Variants in TASOR observed in about 807,000 individuals in gnomAD.
TASOR encodes protein TASOR.
Under a neutral mutation model 178.6 loss-of-function variants are expected in TASOR, and 53 were observed. That is an observed-to-expected ratio of 0.30 (90% CI 0.24 to 0.37). The LOEUF is 0.37. Ranked by LOEUF, TASOR falls within the 10% of genes least tolerant of loss-of-function variation. The pLI, the probability that TASOR is intolerant of heterozygous loss-of-function variation, is 1.00. For missense variants in TASOR, 1,815 were observed against 1,971.4 expected (o/e 0.92, Z 1.50); for synonymous variants, 713 against 696.2 (o/e 1.02, Z -0.38).
Position 56,673,728 on chromosome 3 carries a change from A to G in TASOR, c.332-3T>C. On this transcript the variant is annotated splice_polypyrimidine_tract_variant and splice_region_variant and intron_variant, in intron 1 of 23. Transcript: ENST00000683822. Reference sequence around the variant, plus strand: ...TGGAGTTAATGGCTGGAAAAGTGCTAAAATAAAAAAACAAACATTTAAAAT... The same window carrying G: ...TGGAGTTAATGGCTGGAAAAGTGCTGAAATAAAAAAACAAACATTTAAAAT... 1 of 1,538,478 alleles carries G rather than the reference A, an allele frequency of 6.5e-7. No homozygotes were observed. Among genetic ancestry groups the G allele is most frequent in the Non-Finnish European group, 8.7e-7 (1 of 1,143,064 alleles).
At chr3:56,679,030 A>G (rs1261415929) in intron 1 of TASOR, among the ~76,000 whole-genome samples, 1 of 151,396 alleles carries the variant, frequency 6.6e-6, no homozygotes, top group African/African-American at 2.4e-5. Flanking sequence ...AAAAAAAGAC[A>G]TACAAATGGG....
chr3:56,628,278 T>C (rs938968094), intron 19 of TASOR, among the ~76,000 whole-genome samples: 1 of 152,228 alleles, frequency 6.6e-6, no homozygotes, highest in Non-Finnish European at 1.5e-5. Context: ...CTTATTAGTC[T>C]TGACTACCTG....
At chr3:56,664,634 C>A (rs542014384) in intron 7 of TASOR, among the ~76,000 whole-genome samples, 12 of 152,278 alleles carry the variant, frequency 7.9e-5, no homozygotes, top group African/African-American at 2.4e-4. Flanking sequence ...TTTAGAACAG[C>A]AGTATTTCTA....
chr3:56,666,428 G>A (rs1230383606), intron 6 of TASOR, 44 bp from the exon 7 acceptor site: 1 of 1,382,972 alleles, frequency 7.2e-7, no homozygotes, highest in Non-Finnish European at 9.5e-7. Flanking sequence ...AAAAAGGCAA[G>A]GTGAAACCTT....
At chr3:56,671,762 T>C in intron 2 of TASOR, 70 bp from the exon 3 acceptor site, 1 of 1,253,330 alleles carries the variant, frequency 8.0e-7, no homozygotes, top group Non-Finnish European at 1.1e-6. Context: ...AGTTTTATTT[T>C]TTTTTCCAAG....
intron 18 of TASOR, among the ~76,000 whole-genome samples, chr3:56,630,251 C>T (rs993099310): frequency 6.6e-6 from 1 of 152,176 alleles, no homozygotes; most frequent in Non-Finnish European, 1.5e-5. Flanking sequence ...TGTCTTCTTA[C>T]ATTAAGAAGC....
At chr3:56,677,605 T>G (rs2031423107) in intron 1 of TASOR, among the ~76,000 whole-genome samples, 1 of 152,178 alleles carries the variant, frequency 6.6e-6, no homozygotes, top group Admixed American at 6.5e-5. Context: ...ATGATGTGTG[T>G]GTGCATATGG....
chr3:56,670,198 T>G, intron 3 of TASOR, 53 bp from the exon 4 acceptor site: 1 of 1,099,556 alleles, frequency 9.1e-7, no homozygotes, highest in Non-Finnish European at 1.3e-6. Context: ...ATTTAAAACA[T>G]GAAAAAATAA....
In TASOR at chr3:56,627,750, ATCCC is replaced by A. The variant is rs1434631415; in HGVS notation, c.3871-13_3871-10del. The A allele has an allele frequency of 3.7e-6, 6 of 1,609,454 alleles. No homozygotes were observed. In the Admixed American group the frequency reaches 5.1e-5, roughly 14 times the overall value. ...GTCACCAAGCCAGGTATCTGTTTAAATCCCAAAACAAAAAGAGAAACAGATGGAG... is the reference window on the plus strand; with the variant it reads ...GTCACCAAGCCAGGTATCTGTTTAAAAAAACAAAAAGAGAAACAGATGGAG... On this transcript the variant is annotated splice_polypyrimidine_tract_variant and intron_variant, in intron 19 of 23. Transcript: ENST00000683822.
rs1243441223 is a variant in TASOR, at chr3:56,683,113, AC to A, written c.-108del. 80 of 1,233,494 alleles carry A rather than the reference AC, an allele frequency of 6.5e-5. 1 individual carries two copies. The African/African-American group carries it at 1.2e-3, about 19-fold the overall frequency. The allele number at this position is 1,233,494 out of a possible 1,614,324, so 76.4% of individuals were successfully genotyped here. ...CCGCCGAGCTGCTCTCAGCCCACCC[AC>A]CCCCTTCCCCCCGTGGCCTCAGGCT... On this transcript the variant is annotated 5_prime_UTR_variant, in exon 1 of 24. Coordinates refer to ENST00000683822, the MANE Select transcript of TASOR (RefSeq NM_001365635.2).
chr3:56,642,433 A>T (rs2077143922), intron 14 of TASOR, among the ~76,000 whole-genome samples: 1 of 152,224 alleles, frequency 6.6e-6, no homozygotes, highest in Non-Finnish European at 1.5e-5. Context: ...AAGGGCGCAA[A>T]CATTCAGAAA....
intron 18 of TASOR, among the ~76,000 whole-genome samples, chr3:56,629,870 C>A (rs1167042677): frequency 3.3e-5 from 5 of 152,168 alleles, no homozygotes; most frequent in Non-Finnish European, 7.3e-5. Flanking sequence ...GCACCTTCTA[C>A]ACTGATTTTG....
In TASOR at chr3:56,627,023, G is replaced by C; in HGVS notation, c.4139+14C>G. On this transcript the variant is annotated intron_variant, in intron 21 of 23. Coordinates refer to ENST00000683822, the MANE Select transcript of TASOR (RefSeq NM_001365635.2). ...AAATCAACAACCATTATATAGTTAT[G>C]TTTCAAAGCTTACCTGCCTAGTTCC... is the stretch of plus-strand genomic sequence containing the variant. 6.8e-7 allele frequency: 1 copy of C among 1,462,730 alleles called. No homozygotes were observed. Among genetic ancestry groups the C allele is most frequent in the East Asian group, 2.3e-5 (1 of 44,046 alleles). The allele number at this position is 1,462,730 out of a possible 1,614,324, so 90.6% of individuals were successfully genotyped here. A position where few individuals can be genotyped will look rare whatever the true frequency, so the allele number is the denominator to read the frequency against.
chr3:56,638,879 A>C (rs1191334247), intron 16 of TASOR, 114 bp from the exon 17 acceptor site: 13 of 983,718 alleles, frequency 1.3e-5, no homozygotes, highest in Non-Finnish European at 4.8e-6. Flanking sequence ...TGCCTAAAAT[A>C]ATCTGAAGGG....
rs2077065195 is a variant in TASOR at position 56,638,734 on chromosome 3, C to G, written c.2796G>C (p.Leu932=). 2 of 1,614,110 alleles carry G rather than the reference C, an allele frequency of 1.2e-6. No homozygotes were observed. Among genetic ancestry groups the G allele is most frequent in the East Asian group, 4.5e-5 (2 of 44,862 alleles). ...GTGTTTGTTTCTCACCATGTTTCCC[C>G]AGCTGGTCTTCTGGGCTTCTTGCAT... ...GGNARSPEDQ[L]GKHGEKQTPG... The change falls in exon 17 of 24, where the codon CTG becomes CTC. Residue 932 remains leucine (L), a synonymous_variant. Transcript: ENST00000683822.
intron 1 of TASOR, among the ~76,000 whole-genome samples, chr3:56,681,032 T>C (rs2031737086): frequency 6.6e-6 from 1 of 151,488 alleles, no homozygotes; most frequent in Non-Finnish European, 1.5e-5. Context: ...CCTTCCCACA[T>C]TTCAAACTAA....
At position 56,669,777 on chromosome 3, in the gene TASOR, T is replaced by G. The variant is rs1252376237; in HGVS notation, c.658A>C (p.Arg220=). 18 of 1,545,584 alleles carry G rather than the reference T, an allele frequency of 1.2e-5. No individual in the cohort carries two copies. The highest frequency in any genetic ancestry group is 8.5e-5 in the South Asian group (7 of 82,286). ...TTCGCTTGTAATAAATCAGCATACC[T>G]AGAAAGATAGACACCTAGAAAAGAC... The part of the protein sequence containing the change: ...GSPSMGVYLS[R]YADLLQANPL... Residue 220 remains arginine, a synonymous_variant, in exon 5 of 24, where the codon AGG becomes CGG. Transcript: ENST00000683822.
intron 18 of TASOR, among the ~76,000 whole-genome samples, chr3:56,631,863 G>GC (rs1267295286): frequency 3.3e-5 from 5 of 152,102 alleles, no homozygotes; most frequent in Non-Finnish European, 7.4e-5. Flanking sequence ...GATTACAGGC[G>GC]TGAGCCACCA....
At chr3:56,637,082 C>CTCAT (rs1334264433) in intron 17 of TASOR, among the ~76,000 whole-genome samples, 1 of 152,104 alleles carries the variant, frequency 6.6e-6, no homozygotes, top group Non-Finnish European at 1.5e-5. Flanking sequence ...ACACGAGAGA[C>CTCAT]GACATGAGTA....
Sources: gnomAD v4.1 joint callset for allele counts (sites outside exome capture counted in the v4.1 genomes callset) on GRCh38, gnomAD v4.1.1 for gene constraint, MANE v1.5 for transcripts, NCBI Gene and HGNC (gene_info 2026-07-23, HGNC 2026-07-21) for gene names.